The following AFF2 variants were observed in gnomAD, a reference collection of about 807,000 sequenced individuals.
AFF2 encodes the protein ALF transcription elongation factor 2.
A neutral mutation model predicts 76.9 loss-of-function variants in AFF2; 14 were observed. The observed-to-expected ratio is 0.18, with a 90% CI of 0.12 to 0.28. AFF2 has a LOEUF of 0.28. AFF2 is among the 10% of genes least tolerant of loss of function. The pLI is 1.00. For missense variants in AFF2, 868 were observed against 1,001.1 expected, an observed-to-expected ratio of 0.87 and a Z score of 1.79; for synonymous variants, 398 against 366.7, an observed-to-expected ratio of 1.09 and a Z score of -0.98.
intron 1 of AFF2, among the ~76,000 whole-genome samples, chrX:148,508,607 A>G (rs1248698849): frequency 8.9e-6 from 1 of 111,804 alleles, no homozygotes; most frequent in Non-Finnish European, 1.9e-5. Context: ...CTGTTGAACA[A>G]TGAAAAATGC....
chrX:148,856,836 G>T (rs1327279299), intron 7 of AFF2, among the ~76,000 whole-genome samples: 1 of 112,448 alleles, frequency 8.9e-6, no homozygotes, highest in Non-Finnish European at 1.9e-5. Context: ...GTTTTTGCAT[G>T]CATAAAGGAA....
chrX:148,688,376 T>G (rs782414752), intron 3 of AFF2, among the ~76,000 whole-genome samples: 2 of 111,581 alleles, frequency 1.8e-5, no homozygotes, highest in South Asian at 7.6e-4. Context: ...TTTTACCAGC[T>G]AATCTCAGTT....
intron 9 of AFF2, among the ~76,000 whole-genome samples, chrX:148,921,777 A>G (rs2071598865): frequency 8.9e-6 from 1 of 112,420 alleles, no homozygotes; most frequent in Non-Finnish European, 1.9e-5. Flanking sequence ...ATCCTTCTCA[A>G]AAGCATTGAA....
At chrX:148,694,479 AGATAGGGGATGGAGGAGG>A (rs1557261099) in intron 3 of AFF2, among the ~76,000 whole-genome samples, 1 of 111,583 alleles carries the variant, frequency 9.0e-6, no homozygotes, top group East Asian at 2.8e-4. Context: ...CAACTTTGCT[AGATAGGGGATGGAGGAGG>A]GTCAAGTGGA....
intron 3 of AFF2, among the ~76,000 whole-genome samples, chrX:148,755,926 T>G (rs1557266860): frequency 8.9e-6 from 1 of 112,111 alleles, no homozygotes; most frequent in Non-Finnish European, 1.9e-5. Flanking sequence ...TGGCTAGTTT[T>G]AATGTTTATA....
intron 16 of AFF2, among the ~76,000 whole-genome samples, chrX:148,976,964 C>G (rs781974222): frequency 6.2e-5 from 7 of 112,262 alleles, no homozygotes; most frequent in Non-Finnish European, 1.1e-4. Context: ...CTGAGGAGGC[C>G]GAGTCTCAGG....
intron 7 of AFF2, among the ~76,000 whole-genome samples, chrX:148,864,241 A>C (rs1249482449): frequency 2.7e-5 from 3 of 112,346 alleles, no homozygotes; most frequent in African/African-American, 9.7e-5. Context: ...TTTCAACAGA[A>C]TATTCTCCTC....
At chrX:148,648,228 G>T (rs1257716339) in intron 1 of AFF2, among the ~76,000 whole-genome samples, 1 of 111,147 alleles carries the variant, frequency 9.0e-6, no homozygotes, top group Non-Finnish European at 1.9e-5. Flanking sequence ...TGTTTGTGGT[G>T]GCTAGGGAAG....
intron 7 of AFF2, among the ~76,000 whole-genome samples, chrX:148,848,098 C>T (rs782094059): frequency 8.1e-5 from 9 of 110,658 alleles, no homozygotes; most frequent in African/African-American, 3.0e-4. Context: ...CCTTTCCTCA[C>T]GGGATTTGAT....
chrX:148,569,486 G>T (rs1210776596), intron 1 of AFF2, among the ~76,000 whole-genome samples: 1 of 111,688 alleles, frequency 9.0e-6, no homozygotes, highest in Non-Finnish European at 1.9e-5. Flanking sequence ...CAAGGAGTAA[G>T]AAATATGCCA....
chrX:148,574,614 C>T (rs782040550), intron 1 of AFF2, among the ~76,000 whole-genome samples: 5 of 111,292 alleles, frequency 4.5e-5, no homozygotes, highest in Non-Finnish European at 9.4e-5. Flanking sequence ...GAGGATCTTA[C>T]TTCTGGAGGC....
intron 9 of AFF2, among the ~76,000 whole-genome samples, chrX:148,951,297 G>A (rs976793676): frequency 9.0e-6 from 1 of 111,087 alleles, no homozygotes; most frequent in African/African-American, 3.3e-5. Context: ...TCACCTTAAT[G>A]TATTTGGTTT....
chrX:148,521,374 GCACACA>G (rs781978355), intron 1 of AFF2, among the ~76,000 whole-genome samples: 2 of 90,919 alleles, frequency 2.2e-5, no homozygotes, highest in African/African-American at 4.3e-5. Flanking sequence ...GCACGTGCAT[GCACACA>G]CACACACACA....
At chrX:148,880,552 T>G (rs2071085494) in intron 7 of AFF2, among the ~76,000 whole-genome samples, 1 of 111,732 alleles carries the variant, frequency 8.9e-6, no homozygotes, top group African/African-American at 3.3e-5. Context: ...GGCTGTGTTA[T>G]TATCCTCAAA....
chrX:148,799,860 C>T (rs1156710394), intron 3 of AFF2, among the ~76,000 whole-genome samples: 1 of 111,734 alleles, frequency 8.9e-6, no homozygotes, highest in Non-Finnish European at 1.9e-5. Context: ...TGTTTCTTAA[C>T]ATTTTTTTTT....
chrX:148,966,714 G>C (rs2072179723), intron 13 of AFF2, 76 bp from the exon 14 acceptor site: 16 of 1,131,032 alleles, frequency 1.4e-5, no homozygotes, highest in African/African-American at 2.0e-5. Flanking sequence ...TAACGTGCTT[G>C]ACATTCAAAG....
At chrX:148,837,770 A>G in intron 5 of AFF2, 37 bp downstream of exon 5, 1 of 964,038 alleles carries the variant, frequency 1.0e-6, no homozygotes, top group Non-Finnish European at 1.5e-6. Context: ...TGTTTGTCTT[A>G]TTTTAATTAT....
chrX:148,583,150 A>G (rs1234935860), intron 1 of AFF2, among the ~76,000 whole-genome samples: 1 of 112,012 alleles, frequency 8.9e-6, no homozygotes, highest in Non-Finnish European at 1.9e-5. Flanking sequence ...CTTGGGGTTA[A>G]TAAATAGTGT....
chrX:148,774,944 A>G (rs1253409394), intron 3 of AFF2, among the ~76,000 whole-genome samples: 1 of 112,134 alleles, frequency 8.9e-6, no homozygotes, highest in East Asian at 2.8e-4. Flanking sequence ...GAACCGGCAG[A>G]GTAATTTTTA....
Sources: gnomAD v4.1 joint callset for allele counts (sites outside exome capture counted in the v4.1 genomes callset) on GRCh38, gnomAD v4.1.1 for gene constraint, MANE v1.5 for transcripts, NCBI Gene and HGNC (gene_info 2026-07-23, HGNC 2026-07-21) for gene names.